Variants in ESRRB observed in about 807,000 individuals in gnomAD.
The protein encoded by ESRRB is estrogen related receptor beta.
ESRRB carries 16 observed loss-of-function variants against 46.0 expected under a neutral mutation model. That is an observed-to-expected ratio of 0.35 (90% CI 0.24 to 0.53). The LOEUF (loss-of-function observed/expected upper bound fraction) is 0.53. Among genes scored for constraint, ESRRB ranks in the 20% least tolerant of loss-of-function variants. ESRRB has a pLI of 0.93. For missense variants in ESRRB, 488 were observed against 607.4 expected, an observed-to-expected ratio of 0.80 and a Z score of 2.07; for synonymous variants, 246 against 259.6, an observed-to-expected ratio of 0.95 and a Z score of 0.50.
intron 1 of ESRRB, among the ~76,000 whole-genome samples, chr14:76,406,371 G>A (rs983604850): frequency 6.6e-6 from 1 of 152,138 alleles, no homozygotes; most frequent in African/African-American, 2.4e-5. Flanking sequence ...TGCCTGGGGA[G>A]CTCTTCCCCT....
At chr14:76,311,002 C>CTG (rs1189074229) in intron 1 of ESRRB, 1 of 435,300 alleles carries the variant, frequency 2.3e-6, no homozygotes, top group Non-Finnish European at 4.6e-6. Context: ...CTCTCTCTCT[C>CTG]TCTCTCTCTC....
At chr14:76,497,297 C>A (rs1303236836) in intron 6 of ESRRB, among the ~76,000 whole-genome samples, 2 of 152,088 alleles carry the variant, frequency 1.3e-5, no homozygotes, top group Non-Finnish European at 2.9e-5. Context: ...ACACTCACCC[C>A]CAGCCTGAGT....
chr14:76,495,515 T>C (rs529256762), intron 6 of ESRRB: 13 of 149,716 alleles, frequency 8.7e-5, no homozygotes, highest in African/African-American at 2.9e-4. Flanking sequence ...TGCTATCAAG[T>C]AGATGCTCAG....
chr14:76,398,696 A>G (rs557516924), intron 1 of ESRRB, among the ~76,000 whole-genome samples: 2 of 152,280 alleles, frequency 1.3e-5, no homozygotes, highest in South Asian at 4.1e-4. Context: ...TTCGGGGTCA[A>G]CCATTCCAGT....
intron 3 of ESRRB, chr14:76,463,445 G>GTTTTTTTTGTTTTTTTTTTTTTTTTTTTT (rs1362309981): frequency 5.2e-5 from 6 of 114,740 alleles, no homozygotes; most frequent in Admixed American, 9.1e-5. Context: ...ATGCTTCTTT[G>GTTTTTTTTGTTTTTTTTTTTTTTTTTTTT]TTTTTTTTTT....
chr14:76,385,322 G>T (rs376376859), intron 1 of ESRRB, among the ~76,000 whole-genome samples: 1 of 152,074 alleles, frequency 6.6e-6, no homozygotes, highest in Non-Finnish European at 1.5e-5. Context: ...CAAGACTCTG[G>T]CTGTGCTGCT....
chr14:76,389,891 C>T (rs527708089), intron 1 of ESRRB, among the ~76,000 whole-genome samples: 16 of 152,314 alleles, frequency 1.1e-4, no homozygotes, highest in African/African-American at 3.8e-4. Flanking sequence ...TCAATTTACA[C>T]CTAATGTATG....
At chr14:76,415,924 A>G (rs1566885983) in intron 1 of ESRRB, among the ~76,000 whole-genome samples, 1 of 152,252 alleles carries the variant, frequency 6.6e-6, no homozygotes, top group African/African-American at 2.4e-5. Context: ...GCTTGCCTAC[A>G]GTCAACAGCA....
chr14:76,362,331 A>G (rs1595054975), intron 1 of ESRRB, among the ~76,000 whole-genome samples: 1 of 152,226 alleles, frequency 6.6e-6, no homozygotes, highest in South Asian at 2.1e-4. Flanking sequence ...TGGGTCTGCC[A>G]TACTCCAAAG....
chr14:76,346,137 A>C (rs1427365383), intron 1 of ESRRB, among the ~76,000 whole-genome samples: 1 of 152,162 alleles, frequency 6.6e-6, no homozygotes, highest in Non-Finnish European at 1.5e-5. Flanking sequence ...ACACAGGCAA[A>C]GATCCTATTT....
chr14:76,486,642 T>C (rs1216906845), intron 5 of ESRRB, among the ~76,000 whole-genome samples: 1 of 151,914 alleles, frequency 6.6e-6, no homozygotes, highest in Non-Finnish European at 1.5e-5. Context: ...AGAGCCTGAA[T>C]GTTATTAGAT....
intron 3 of ESRRB, among the ~76,000 whole-genome samples, chr14:76,470,212 A>C (rs1423893735): frequency 6.6e-6 from 1 of 152,068 alleles, no homozygotes; most frequent in Non-Finnish European, 1.5e-5. Flanking sequence ...GGCCTCCCAA[A>C]GTGTTGGGAT....
intron 1 of ESRRB, among the ~76,000 whole-genome samples, chr14:76,333,509 G>A (rs1173076819): frequency 7.6e-6 from 1 of 131,960 alleles, no homozygotes; most frequent in Non-Finnish European, 1.5e-5. Flanking sequence ...GTTGTTGTCA[G>A]TGGAGACAAA....
At chr14:76,332,523 TA>T (rs398057263) in intron 1 of ESRRB, among the ~76,000 whole-genome samples, 46 of 87,474 alleles carry the variant, frequency 5.3e-4, no homozygotes, top group Admixed American at 1.2e-3. Context: ...ATATAATATA[TA>T]AATATATACA....
At chr14:76,483,406 C>T (rs1316049153) in intron 5 of ESRRB, among the ~76,000 whole-genome samples, 5 of 152,210 alleles carry the variant, frequency 3.3e-5, no homozygotes, top group Non-Finnish European at 7.3e-5. Context: ...TTCGCCTGAT[C>T]TCTAAGGGAG....
chr14:76,400,207 C>T (rs1201234077), intron 1 of ESRRB, among the ~76,000 whole-genome samples: 6 of 152,186 alleles, frequency 3.9e-5, no homozygotes, highest in Non-Finnish European at 8.8e-5. Flanking sequence ...CTGGGTACTT[C>T]GTGTACTGCC....
chr14:76,373,057 G>A (rs979268125), upstream of ESRRB, among the ~76,000 whole-genome samples: 1 of 152,166 alleles, frequency 6.6e-6, no homozygotes. Flanking sequence ...TGAATGTAAT[G>A]AATATCAATT....
At chr14:76,448,711 A>AAATGC (rs1340079660) in intron 2 of ESRRB, among the ~76,000 whole-genome samples, 20 of 152,242 alleles carry the variant, frequency 1.3e-4, no homozygotes, top group Non-Finnish European at 7.4e-5. Context: ...CAGTGTGTCC[A>AAATGC]AATGCAATGC....
At chr14:76,451,802 T>A (rs1301619947) in intron 2 of ESRRB, among the ~76,000 whole-genome samples, 1 of 150,378 alleles carries the variant, frequency 6.6e-6, no homozygotes, top group African/African-American at 2.4e-5. Context: ...TTTTTTTTTT[T>A]TTTTTTTTTT....
Sources: gnomAD v4.1 joint callset for allele counts (sites outside exome capture counted in the v4.1 genomes callset) on GRCh38, gnomAD v4.1.1 for gene constraint, MANE v1.5 for transcripts, NCBI Gene and HGNC (gene_info 2026-07-23, HGNC 2026-07-21) for gene names.